Variants in NFX1 observed in about 807,000 individuals in gnomAD.
The protein encoded by NFX1 is transcriptional repressor NF-X1.
A neutral mutation model predicts 137.2 loss-of-function variants in NFX1; 69 were observed. That is an observed-to-expected ratio of 0.50 (90% CI 0.41 to 0.61). The LOEUF is 0.61. NFX1 is among the 20% of genes least tolerant of loss of function. The pLI is 0.00. For missense variants in NFX1, 1,167 were observed against 1,391.0 expected, an observed-to-expected ratio of 0.84 and a Z score of 2.56; for synonymous variants, 495 against 474.1, an observed-to-expected ratio of 1.04 and a Z score of -0.57.
chr9:33,319,419 T>C (rs1239321329), intron 9 of NFX1, among the ~76,000 whole-genome samples: 2 of 152,222 alleles, frequency 1.3e-5, no homozygotes, highest in Non-Finnish European at 2.9e-5. Context: ...TGTACTGTAA[T>C]GAACACTATA....
chr9:33,350,645 G>T (rs896012741), intron 15 of NFX1, among the ~76,000 whole-genome samples: 1 of 152,184 alleles, frequency 6.6e-6, no homozygotes, highest in Non-Finnish European at 1.5e-5. Flanking sequence ...TAACCTTTCA[G>T]ACTTTGAAAA....
intron 2 of NFX1, among the ~76,000 whole-genome samples, chr9:33,299,712 C>G (rs1374898849): frequency 6.6e-6 from 1 of 152,100 alleles, no homozygotes; most frequent in East Asian, 1.9e-4. Context: ...GTGGAACAGA[C>G]TAAATATCAC....
At chr9:33,347,674 C>T (rs1240102266) in intron 15 of NFX1, 1 of 426,202 alleles carries the variant, frequency 2.3e-6, no homozygotes, top group Admixed American at 2.5e-5. Flanking sequence ...AGTCCCACTA[C>T]TGGGCGTCTA....
intron 9 of NFX1, 119 bp from the exon 10 acceptor site, chr9:33,328,462 C>CAAGTCTGCAATCAAG: frequency 1.4e-6 from 1 of 693,394 alleles, no homozygotes; most frequent in South Asian, 1.7e-5. Context: ...ATACTTCCCT[C>CAAGTCTGCAATCAAG]AACTCTGATT....
At chr9:33,332,690 T>C in intron 11 of NFX1, 188 bp downstream of exon 11, 1 of 528,096 alleles carries the variant, frequency 1.9e-6, no homozygotes, top group Non-Finnish European at 3.5e-6. Flanking sequence ...CTGAAAAATA[T>C]AAGCTAAGTG....
At chr9:33,297,138 C>G (rs952939952) in intron 2 of NFX1, among the ~76,000 whole-genome samples, 5 of 152,176 alleles carry the variant, frequency 3.3e-5, no homozygotes, top group Admixed American at 2.6e-4. Context: ...TACTGCAAAT[C>G]AGCTTTTTGC....
intron 2 of NFX1, among the ~76,000 whole-genome samples, chr9:33,297,908 A>G (rs547499965): frequency 1.3e-5 from 2 of 152,336 alleles, no homozygotes; most frequent in East Asian, 3.9e-4. Context: ...TAGGGTATGC[A>G]TACCAGGGAG....
At chr9:33,297,810 T>C (rs1821412401) in intron 2 of NFX1, among the ~76,000 whole-genome samples, 1 of 152,178 alleles carries the variant, frequency 6.6e-6, no homozygotes, top group Admixed American at 6.5e-5. Flanking sequence ...ACTTCAGATC[T>C]CTCTGACTTC....
At chr9:33,366,099 C>G (rs1824161649) in intron 21 of NFX1, 1 of 153,918 alleles carries the variant, frequency 6.5e-6, no homozygotes, top group South Asian at 2.0e-4. Context: ...CCATTCCCCT[C>G]CTTTCCTCCC....
In NFX1 at chr9:33,342,872, A is replaced by G; in HGVS notation, c.2224+18A>G. On this transcript the variant is annotated intron_variant, in intron 13 of 23. Transcript: ENST00000379540. The stretch of plus-strand genomic sequence containing the variant: ...GCAAGCCAGTGAGTGTCTTTACTGT[A>G]TAGTTTATTAGAAGAGTTTTTTAGA... 3.3e-6 allele frequency: 5 copies of G among 1,528,078 alleles called. No homozygotes were observed. The highest frequency in any genetic ancestry group is 1.2e-5 in the South Asian group (1 of 85,600). 94.7% of individuals were successfully genotyped at this position (1,528,078 alleles called of 1,614,324 possible). A position where few individuals can be genotyped will look rare whatever the true frequency, so the allele number is the denominator to read the frequency against.
chr9:33,350,128 A>G (rs1823582523), intron 15 of NFX1, among the ~76,000 whole-genome samples: 1 of 152,080 alleles, frequency 6.6e-6, no homozygotes, highest in Admixed American at 6.5e-5. Flanking sequence ...ACATAGTGAA[A>G]CCCTGTCTCT....
intron 3 of NFX1, among the ~76,000 whole-genome samples, chr9:33,302,605 A>G (rs975638468): frequency 1.3e-5 from 2 of 151,178 alleles, no homozygotes; most frequent in African/African-American, 4.9e-5. Flanking sequence ...ATTCTGCATC[A>G]GCCTCCTAAA....
rs1411346749 is a variant in NFX1, at chr9:33,313,758, G to T, written c.1553G>T (p.Gly518Val). 12 of 1,614,022 alleles carry T rather than the reference G, an allele frequency of 7.4e-6. No homozygotes were observed. Among genetic ancestry groups the T allele is most frequent in the Non-Finnish European group, 1.0e-5 (12 of 1,180,032 alleles). The change falls in exon 7 of 24, where the codon GGT becomes GTT. Residue 518 changes from glycine (G) to valine (V), a missense_variant. This residue lies in a region of NFX1 where 488 missense variants were observed against 691.5 expected (regional missense o/e 0.71). Transcript: ENST00000379540. ...QHQCAELCHG[G>V]QCQPCQIILN... The stretch of plus-strand genomic sequence containing the variant: ...CAGTGTGCTGAGCTGTGCCATGGGG[G>T]TCAGTGCCAGCCTTGCCAGATCATT...
intron 9 of NFX1, among the ~76,000 whole-genome samples, chr9:33,320,094 T>A (rs925736196): frequency 4.0e-5 from 6 of 151,780 alleles, no homozygotes; most frequent in African/African-American, 1.5e-4. Context: ...CCCGAGTAGC[T>A]GGGATTACAG....
At chr9:33,297,956 C>T (rs1161050885) in intron 2 of NFX1, among the ~76,000 whole-genome samples, 1 of 152,178 alleles carries the variant, frequency 6.6e-6, no homozygotes, top group African/African-American at 2.4e-5. Flanking sequence ...TTCTATTTAA[C>T]AAATCTCTTG....
At chr9:33,346,907 G>T in intron 14 of NFX1, 131 bp from the exon 15 acceptor site, 2 of 553,258 alleles carry the variant, frequency 3.6e-6, no homozygotes, top group South Asian at 3.6e-5. Flanking sequence ...ACTTTCCTGT[G>T]ACCGTTTTTC....
intron 14 of NFX1, among the ~76,000 whole-genome samples, chr9:33,345,934 T>C (rs992044985): frequency 4.6e-5 from 7 of 152,174 alleles, no homozygotes; most frequent in African/African-American, 1.4e-4. Flanking sequence ...ATCATTTCAT[T>C]TTACCAAATA....
At chr9:33,311,315 G>A in intron 6 of NFX1, 138 bp downstream of exon 6, 2 of 804,100 alleles carry the variant, frequency 2.5e-6, no homozygotes, top group Non-Finnish European at 4.1e-6. Flanking sequence ...TTTCAGGAGT[G>A]AAAGTTTATT....
intron 15 of NFX1, chr9:33,347,602 C>T: frequency 3.4e-6 from 1 of 297,090 alleles, no homozygotes; most frequent in Non-Finnish European, 6.9e-6. Context: ...CTAGTACAAC[C>T]ACTGTGGAAA....
Sources: gnomAD v4.1 joint callset for allele counts (sites outside exome capture counted in the v4.1 genomes callset) on GRCh38, gnomAD v4.1.1 for gene constraint, gnomAD v4.1.1 regional missense constraint, MANE v1.5 for transcripts, NCBI Gene and HGNC (gene_info 2026-07-23, HGNC 2026-07-21) for gene names.